Variants in TRA2A observed in about 807,000 individuals in gnomAD.
TRA2A encodes the protein transformer 2 alpha homolog, also known as transformer-2 protein homolog alpha.
Under a neutral mutation model 45.7 loss-of-function variants are expected in TRA2A, and 31 were observed. That is an observed-to-expected ratio of 0.68 (90% confidence interval 0.51 to 0.92). The LOEUF (loss-of-function observed/expected upper bound fraction) is 0.92, where lower values mean the gene tolerates loss of function less well. Among genes scored for constraint, TRA2A ranks in the 40% least tolerant of loss-of-function variants. The probability of loss-of-function intolerance (pLI) is 0.00; values close to 1 mark genes in which losing one functional copy is unlikely to be tolerated. For synonymous variants in TRA2A, 132 were observed against 126.2 expected, an observed-to-expected ratio of 1.05 and a Z score of -0.31; for missense variants, 304 against 367.5, an observed-to-expected ratio of 0.83 and a Z score of 1.41.
Position 23,521,788 on chromosome 7 carries a change from G to A in TRA2A, c.89C>T (p.Ser30Leu), listed in dbSNP as rs1055104711. ...SPTGTPARVK[S>L]ESRSGSRSPS... ...ACTACGAGATCCTGACCTGCTCTCC[G>A]ATTTTACACGAGCAGGAGTTCCCGT... Residue 30 changes from serine (S) to leucine (L), a missense_variant, in exon 2 of 8, where the codon TCG becomes TTG. Physicochemically the swap from Ser to Leu is moderately radical, Grantham distance 145. Transcript: ENST00000297071. The A allele has an allele frequency of 6.2e-6, 10 of 1,614,064 alleles. No homozygotes were observed. The highest frequency in any genetic ancestry group is 1.7e-5 in the Admixed American group (1 of 60,000).
At chr7:23,509,441 A>G (rs1280342337) in intron 4 of TRA2A, among the ~76,000 whole-genome samples, 1 of 152,232 alleles carries the variant, frequency 6.6e-6, no homozygotes, top group Non-Finnish European at 1.5e-5. Context: ...AAAAGATTTT[A>G]AAAATCACTT....
rs1281394992 is a variant in TRA2A at position 23,531,776 on chromosome 7, G to A, written c.36+13C>T. The A allele has an allele frequency of 3.1e-6, 5 of 1,613,182 alleles. No homozygotes were observed. The highest frequency in any genetic ancestry group is 1.7e-5 in the Admixed American group (1 of 60,024). ...GGCCGCCGCCTAGACGGCTCCCGCG[G>A]CTTTGTACTCACTCTGCCCTCGAAG... On this transcript the variant is annotated intron_variant, in intron 1 of 7. Coordinates refer to ENST00000297071, the MANE Select transcript of TRA2A (RefSeq NM_013293.5).
intron 1 of TRA2A, chr7:23,531,401 C>G (rs949344197): frequency 3.3e-6 from 1 of 306,580 alleles, no homozygotes; most frequent in Admixed American, 5.4e-5. Flanking sequence ...GAAATGCCAC[C>G]GCAGGAAGCA....
chr7:23,528,216 T>G (rs6962202), intron 1 of TRA2A, among the ~76,000 whole-genome samples: 1 of 152,186 alleles, frequency 6.6e-6, no homozygotes, highest in Non-Finnish European at 1.5e-5. Flanking sequence ...TGTGTTTTTT[T>G]TTGTTTTGTT....
intron 1 of TRA2A, among the ~76,000 whole-genome samples, chr7:23,524,627 A>T (rs895847880): frequency 3.3e-5 from 5 of 152,112 alleles, no homozygotes; most frequent in African/African-American, 1.2e-4. Context: ...GAAACATCTA[A>T]GCTAAAAACA....
chr7:23,510,045 G>C (rs941233638), intron 4 of TRA2A, among the ~76,000 whole-genome samples: 3 of 151,638 alleles, frequency 2.0e-5, no homozygotes, highest in African/African-American at 4.9e-5. Context: ...AACAAACAAA[G>C]AAACAACAAA....
intron 4 of TRA2A, among the ~76,000 whole-genome samples, chr7:23,510,069 A>C (rs905286449): frequency 3.3e-5 from 5 of 152,134 alleles, no homozygotes; most frequent in African/African-American, 1.2e-4. Flanking sequence ...ACAACAAAAA[A>C]AGAAAAAAAT....
intron 4 of TRA2A, among the ~76,000 whole-genome samples, chr7:23,508,519 A>G (rs1472397533): frequency 6.6e-6 from 1 of 152,098 alleles, no homozygotes; most frequent in African/African-American, 2.4e-5. Flanking sequence ...TATGAGACCA[A>G]GTTTCGCTCT....
At chr7:23,512,309 T>C (rs955120625) in intron 4 of TRA2A, among the ~76,000 whole-genome samples, 1 of 152,120 alleles carries the variant, frequency 6.6e-6, no homozygotes, top group Non-Finnish European at 1.5e-5. Flanking sequence ...GGCAACATAG[T>C]GAGACCTCAT....
At chr7:23,522,401 A>G in intron 1 of TRA2A, 1 of 1,274,716 alleles carries the variant, frequency 7.8e-7, no homozygotes. Context: ...CATTCTTGGA[A>G]AAAACTCTTC....
At chr7:23,531,316 C>A (rs1220015657) in intron 1 of TRA2A, 8 of 909,958 alleles carry the variant, frequency 8.8e-6, no homozygotes, top group Non-Finnish European at 1.1e-5. Flanking sequence ...TAGTCCCACG[C>A]CAGCTTCTCC....
chr7:23,528,671 G>GC (rs1790440530), intron 1 of TRA2A, among the ~76,000 whole-genome samples: 1 of 149,478 alleles, frequency 6.7e-6, no homozygotes, highest in Non-Finnish European at 1.5e-5. Context: ...AAATTTGTTT[G>GC]CCTTTTTTTT....
At chr7:23,517,279 G>C (rs185462081) in intron 2 of TRA2A, among the ~76,000 whole-genome samples, 1 of 149,392 alleles carries the variant, frequency 6.7e-6, no homozygotes, top group Non-Finnish European at 1.5e-5. Flanking sequence ...TCAGGAGATC[G>C]AGACCATCCT....
intron 2 of TRA2A, among the ~76,000 whole-genome samples, chr7:23,520,162 G>C (rs910164405): frequency 1.8e-4 from 27 of 152,356 alleles, no homozygotes; most frequent in African/African-American, 6.3e-4. Flanking sequence ...GTTGCAGTGA[G>C]CCAAGATCGT....
chr7:23,509,319 A>G (rs1654640300), intron 4 of TRA2A, among the ~76,000 whole-genome samples: 1 of 152,216 alleles, frequency 6.6e-6, no homozygotes, highest in Admixed American at 6.5e-5. Context: ...TTACTAAAAC[A>G]GGGTGAGGAG....
chr7:23,515,837 C>T (rs1280947802), intron 3 of TRA2A, among the ~76,000 whole-genome samples: 2 of 151,908 alleles, frequency 1.3e-5, no homozygotes, highest in Non-Finnish European at 1.5e-5. Flanking sequence ...TGAGCCACCA[C>T]GCCCAGCCTT....
chr7:23,513,357 C>G (rs1319156774), intron 3 of TRA2A, among the ~76,000 whole-genome samples: 1 of 152,172 alleles, frequency 6.6e-6, no homozygotes, highest in Non-Finnish European at 1.5e-5. Flanking sequence ...TCCTGAAAAT[C>G]TTGTAATCCC....
rs536979610 is a variant in TRA2A at position 23,530,561 on chromosome 7, T to C, written c.36+1228A>G. The stretch of plus-strand genomic sequence containing the variant: ...GCCCGGAACGTGTTGCATGGGGCTT[T>C]TGTTTTCTTTCCAGGGTTTCACACG... On this transcript the variant is annotated intron_variant, in intron 1 of 7. Coordinates refer to ENST00000297071, the MANE Select transcript of TRA2A (RefSeq NM_013293.5). 6.6e-5 allele frequency among the ~76,000 whole-genome samples: 10 copies of C among 152,298 alleles called. No homozygotes were observed. In the East Asian group the frequency reaches 1.9e-3, roughly 29 times the overall value.
In TRA2A at chr7:23,511,388, AAAAAAAAAAAAAAAAAAAAAAAG is replaced by A. The variant is rs1303359255; in HGVS notation, c.525+1483_525+1505del. Among the ~76,000 whole-genome samples, 60 of 39,206 alleles carry A rather than the reference AAAAAAAAAAAAAAAAAAAAAAAG, an allele frequency of 1.5e-3. 6 individuals are homozygous for A. Among genetic ancestry groups the A allele is most frequent in the African/African-American group, 8.7e-3 (59 of 6,780 alleles). 25.7% of individuals were successfully genotyped at this position (39,206 alleles called of 152,430 possible). ...TCCATCTCAAAAAAAAAAAAAAAAA[AAAAAAAAAAAAAAAAAAAAAAAG>A]AAAAGAAAAGAAAAGAAAAACACCC... On this transcript the variant is annotated intron_variant, in intron 4 of 7. Coordinates refer to ENST00000297071, the MANE Select transcript of TRA2A (RefSeq NM_013293.5).
Sources: gnomAD v4.1 joint callset for allele counts (sites outside exome capture counted in the v4.1 genomes callset) on GRCh38, gnomAD v4.1.1 for gene constraint, MANE v1.5 for transcripts, NCBI Gene and HGNC (gene_info 2026-07-23, HGNC 2026-07-21) for gene names.